Variants in FANK1 observed in about 807,000 individuals in gnomAD.
FANK1 encodes fibronectin type III and ankyrin repeat domains 1.
A neutral mutation model predicts 45.3 loss-of-function variants in FANK1; 44 were observed. The ratio of observed to expected loss-of-function variants is 0.97; its 90% CI spans 0.76 to 1.25. The LOEUF (loss-of-function observed/expected upper bound fraction) is 1.25, where lower values mean the gene tolerates loss of function less well. Ranked by LOEUF, FANK1 falls within the 50% of genes most tolerant of loss-of-function variation. FANK1 has a pLI of 0.00. For synonymous variants in FANK1, 149 were observed against 152.5 expected (o/e 0.98, Z 0.17); for missense variants, 391 against 424.4 (o/e 0.92, Z 0.69).
chr10:125,973,531 G>A lies in FANK1; in HGVS notation c.14-6630G>A, dbSNP rs957994140. Reference sequence around the variant, plus strand: ...GGTTCAGTAGTTCCTTCTTCCACATGTATCCCTCAGTATCTAGAACCCTGA... The same window carrying A: ...GGTTCAGTAGTTCCTTCTTCCACATATATCCCTCAGTATCTAGAACCCTGA... On this transcript the variant is annotated intron_variant, in intron 1 of 10. Coordinates refer to ENST00000368693, the MANE Select transcript of FANK1 (RefSeq NM_145235.5). The A allele has an allele frequency of 7.0e-6, 6 of 852,574 alleles. No individual in the cohort carries two copies. In the African/African-American group the frequency reaches 9.2e-5, roughly 13 times the overall value. 52.8% of individuals were successfully genotyped at this position (852,574 alleles called of 1,614,324 possible).
rs917613712 is a variant in FANK1, at chr10:125,973,387, A to AATC, written c.14-6771_14-6769dup. The AATC allele has an allele frequency of 2.1e-4, 206 of 982,858 alleles. No homozygotes were observed. The African/African-American group carries it at 3.3e-3, about 16-fold the overall frequency. 60.9% of individuals were successfully genotyped at this position (982,858 alleles called of 1,614,324 possible). A position where few individuals can be genotyped will look rare whatever the true frequency, so the allele number is the denominator to read the frequency against. ...TTTGGTTTTAGTGGGCTGTGAAAAA[A>AATC]ATCATTTGTTCAACACTGATGTCGT... On this transcript the variant is annotated intron_variant, in intron 1 of 10. Coordinates refer to ENST00000368693, the MANE Select transcript of FANK1 (RefSeq NM_145235.5).
chr10:125,915,072 A>G (rs963759447), intron 1 of FANK1, among the ~76,000 whole-genome samples: 1 of 152,138 alleles, frequency 6.6e-6, no homozygotes, highest in Non-Finnish European at 1.5e-5. Flanking sequence ...TGTTGGTGAA[A>G]GGGATCCAGC....
intron 2 of FANK1, among the ~76,000 whole-genome samples, chr10:125,987,830 A>G (rs1196814153): frequency 6.6e-6 from 1 of 152,308 alleles, no homozygotes; most frequent in Non-Finnish European, 1.5e-5. Context: ...AGGTCCCAGC[A>G]TCTTCTGAGC....
At chr10:125,923,841 T>A (rs1947123247) in intron 1 of FANK1, among the ~76,000 whole-genome samples, 1 of 152,224 alleles carries the variant, frequency 6.6e-6, no homozygotes, top group African/African-American at 2.4e-5. Context: ...AAGTTATGAC[T>A]TCCTTTCAGA....
intron 1 of FANK1, among the ~76,000 whole-genome samples, chr10:125,946,253 A>T (rs902489824): frequency 1.3e-5 from 2 of 151,964 alleles, no homozygotes; most frequent in Non-Finnish European, 2.9e-5. Flanking sequence ...ACAAAGCTGG[A>T]TGGAGAATGA....
chr10:126,006,599 C>T (rs959356432), intron 7 of FANK1, among the ~76,000 whole-genome samples: 1 of 152,222 alleles, frequency 6.6e-6, no homozygotes, highest in African/African-American at 2.4e-5. Context: ...GTGGCTTATG[C>T]CTGTAATCCC....
chr10:125,904,050 GTC>G (rs1390993462), intron 1 of FANK1, among the ~76,000 whole-genome samples: 1 of 151,904 alleles, frequency 6.6e-6, no homozygotes, highest in African/African-American at 2.4e-5. Flanking sequence ...TTGAACTGGA[GTC>G]TCTCTTTGTT....
chr10:125,948,424 AG>A (rs1487831349), intron 1 of FANK1, among the ~76,000 whole-genome samples: 2 of 152,162 alleles, frequency 1.3e-5, no homozygotes, highest in African/African-American at 4.8e-5. Flanking sequence ...AAAATAATAA[AG>A]GGGATATCAC....
intron 6 of FANK1, among the ~76,000 whole-genome samples, chr10:126,003,216 A>G (rs1431626841): frequency 6.6e-6 from 1 of 151,460 alleles, no homozygotes; most frequent in Non-Finnish European, 1.5e-5. Context: ...TGGGGCAGGC[A>G]TTTCACTTGT....
chr10:125,936,851 C>T lies in FANK1; in HGVS notation c.13+40196C>T, dbSNP rs1948132574. 3.9e-5 allele frequency among the ~76,000 whole-genome samples: 6 copies of T among 152,044 alleles called. No individual in the cohort carries two copies. In the South Asian group the frequency reaches 6.2e-4, roughly 16 times the overall value. On this transcript the variant is annotated intron_variant, in intron 1 of 10. Transcript: ENST00000368693. ...GGGAGGCTGAGGTGGGTGGATCACCCGAGGTTGGGAGTTGGAGACCAGCCT... is the reference window on the plus strand; with the variant it reads ...GGGAGGCTGAGGTGGGTGGATCACCTGAGGTTGGGAGTTGGAGACCAGCCT...
chr10:125,914,514 G>A (rs1400423336), intron 1 of FANK1, among the ~76,000 whole-genome samples: 9 of 152,076 alleles, frequency 5.9e-5, no homozygotes, highest in Non-Finnish European at 1.3e-4. Context: ...TCAGTGATTA[G>A]TGAAAAGGAA....
chr10:125,952,700 C>T (rs1423720156), intron 1 of FANK1, among the ~76,000 whole-genome samples: 3 of 151,790 alleles, frequency 2.0e-5, no homozygotes, highest in Admixed American at 6.6e-5. Flanking sequence ...CTGCTTGCCT[C>T]TCTCCTGTGG....
At chr10:125,961,842 G>GC (rs1475852283) in intron 1 of FANK1, among the ~76,000 whole-genome samples, 1 of 152,168 alleles carries the variant, frequency 6.6e-6, no homozygotes, top group Non-Finnish European at 1.5e-5. Flanking sequence ...TACTCAGGGA[G>GC]CTCAGGCAGG....
chr10:125,905,104 C>G (rs533743899), intron 1 of FANK1, among the ~76,000 whole-genome samples: 4 of 146,458 alleles, frequency 2.7e-5, no homozygotes, highest in Non-Finnish European at 6.0e-5. Flanking sequence ...GCACTCCAGC[C>G]CAGGTGACAG....
chr10:125,935,399 T>C (rs1948031544), intron 1 of FANK1, among the ~76,000 whole-genome samples: 1 of 152,192 alleles, frequency 6.6e-6, no homozygotes, highest in South Asian at 2.1e-4. Flanking sequence ...ATGACTTCCT[T>C]CAACTAATTT....
chr10:125,898,194 A>G (rs2134096015), intron 1 of FANK1, among the ~76,000 whole-genome samples: 1 of 151,854 alleles, frequency 6.6e-6, no homozygotes, highest in South Asian at 2.1e-4. Flanking sequence ...TCGAAAAAAC[A>G]AAAAAAAGAA....
chr10:125,950,438 C>T (rs1949129373), intron 1 of FANK1, among the ~76,000 whole-genome samples: 1 of 150,860 alleles, frequency 6.6e-6, no homozygotes, highest in Non-Finnish European at 1.5e-5. Flanking sequence ...CAAACAACCC[C>T]ATCAAAAAGT....
chr10:125,996,086 T>C lies in FANK1; in HGVS notation c.399-464T>C, dbSNP rs79370359. Among the ~76,000 whole-genome samples the C allele has an allele frequency of 3.4e-3, 518 of 152,370 alleles. 2 individuals are homozygous for C. The highest frequency in any genetic ancestry group is 5.6e-3 in the Non-Finnish European group (378 of 68,032). The stretch of plus-strand genomic sequence containing the variant: ...GGTTCCCACAAAAAGCCAAAGCTGC[T>C]ACGCTGGAGTATGTGCGTGAAGACC... On this transcript the variant is annotated intron_variant, in intron 4 of 10. Transcript: ENST00000368693.
At chr10:125,980,087 C>A in intron 1 of FANK1, 74 bp from the exon 2 acceptor site, 1 of 1,480,480 alleles carries the variant, frequency 6.8e-7, no homozygotes, top group South Asian at 1.3e-5. Context: ...CACCAAGCAG[C>A]TGTAATCCAC....
Sources: allele counts gnomAD v4.1 joint callset (sites outside exome capture counted in the v4.1 genomes callset), GRCh38; gene constraint gnomAD v4.1.1; transcripts MANE v1.5; gene names NCBI Gene and HGNC (gene_info 2026-07-23, HGNC 2026-07-21).